Variants in MYO16 observed in about 807,000 individuals in gnomAD.
The protein encoded by MYO16 is myosin XVI, also known as unconventional myosin-XVI.
A neutral mutation model predicts 205.3 loss-of-function variants in MYO16; 94 were observed. That is an observed-to-expected ratio of 0.46 (90% confidence interval 0.39 to 0.54). MYO16 has a LOEUF of 0.54. MYO16 is among the 20% of genes least tolerant of loss of function. MYO16 has a pLI of 0.00. For synonymous variants in MYO16, 988 were observed against 954.0 expected (o/e 1.04, Z -0.66); for missense variants, 2,315 against 2,387.5 (o/e 0.97, Z 0.63).
chr13:109,057,375 A>G (rs1055743291), intron 27 of MYO16, among the ~76,000 whole-genome samples: 8 of 152,182 alleles, frequency 5.3e-5, no homozygotes, highest in Admixed American at 2.0e-4. Flanking sequence ...TAGACAAGAT[A>G]TTTGTGTTTA....
At chr13:109,121,051 A>T (rs751999920) in intron 29 of MYO16, among the ~76,000 whole-genome samples, 9 of 152,198 alleles carry the variant, frequency 5.9e-5, no homozygotes, top group Admixed American at 2.0e-4. Context: ...CCCACCTCTA[A>T]AAGAAAAAAA....
At chr13:108,855,629 T>G (rs1161916870) in intron 11 of MYO16, 76 bp downstream of exon 11, 4 of 1,021,790 alleles carry the variant, frequency 3.9e-6, no homozygotes, top group Non-Finnish European at 5.7e-6. Flanking sequence ...GTGCTTCAAA[T>G]GTTGCAAGTA....
chr13:109,135,694 G>A (rs1484704392), intron 31 of MYO16, among the ~76,000 whole-genome samples: 1 of 152,190 alleles, frequency 6.6e-6, no homozygotes, highest in African/African-American at 2.4e-5. Context: ...CTTCATTTTT[G>A]TGTTCAGGCT....
chr13:108,527,249 G>A, the MYO16 span, among the ~76,000 whole-genome samples: 1 of 151,234 alleles, frequency 6.6e-6, no homozygotes, highest in Non-Finnish European at 1.5e-5. Flanking sequence ...TATAGGAAGG[G>A]TTTTTTTTTC....
the MYO16 span, among the ~76,000 whole-genome samples, chr13:108,532,535 T>A: frequency 6.6e-6 from 1 of 151,778 alleles, no homozygotes; most frequent in African/African-American, 2.4e-5. Flanking sequence ...GGCTCATGCC[T>A]GTAATCCCAG....
chr13:109,034,870 A>G (rs1886664256), intron 23 of MYO16, among the ~76,000 whole-genome samples: 1 of 152,172 alleles, frequency 6.6e-6, no homozygotes, highest in African/African-American at 2.4e-5. Flanking sequence ...GCTAATCGAT[A>G]AAATCATTAA....
At chr13:108,917,106 C>T (rs1031725092) in intron 16 of MYO16, among the ~76,000 whole-genome samples, 3 of 152,124 alleles carry the variant, frequency 2.0e-5, no homozygotes, top group East Asian at 1.9e-4. Flanking sequence ...GGCACATGCA[C>T]GCACGCACAC....
upstream of MYO16, chr13:108,629,503 C>T (rs919520096): frequency 1.7e-5 from 4 of 238,376 alleles, no homozygotes; most frequent in Non-Finnish European, 3.3e-5. Context: ...TGCAGCACAC[C>T]TCCGTGCAGC....
At chr13:108,950,524 A>G (rs979639827) in intron 16 of MYO16, among the ~76,000 whole-genome samples, 2 of 152,214 alleles carry the variant, frequency 1.3e-5, no homozygotes, top group African/African-American at 4.8e-5. Context: ...CAGCTCATGA[A>G]AAAACATTGT....
At chr13:108,644,898 T>C (rs1222712726) in intron 1 of MYO16, among the ~76,000 whole-genome samples, 1 of 152,208 alleles carries the variant, frequency 6.6e-6, no homozygotes, top group African/African-American at 2.4e-5. Context: ...ATGAAGTTAA[T>C]AGTGGCAATT....
At position 109,055,603 on chromosome 13, in the gene MYO16, C is replaced by A. The variant is rs774464223; in HGVS notation, c.3335+8C>A. The A allele has an allele frequency of 6.2e-7, 1 of 1,604,062 alleles. No individual in the cohort carries two copies. The highest frequency in any genetic ancestry group is 1.1e-5 in the South Asian group (1 of 90,984). On this transcript the variant is annotated splice_region_variant and intron_variant, in intron 27 of 34. Coordinates refer to ENST00000457511, the MANE Select transcript of MYO16 (RefSeq NM_001198950.3). The surrounding 1 kb of genome is among the most constrained non-coding windows in gnomAD (Gnocchi z 5.0). The stretch of plus-strand genomic sequence containing the variant: ...CTCGGATTTCCTGTCAAGGTAAATT[C>A]TTCTGCTCTTAAAATCGTCGTTCTC...
intron 11 of MYO16, 31 bp downstream of exon 11, chr13:108,855,584 G>A: frequency 7.0e-6 from 10 of 1,422,336 alleles, no homozygotes; most frequent in Non-Finnish European, 9.8e-6. Context: ...CTTTTGCACT[G>A]TTTTTCTCTT....
the MYO16 span, among the ~76,000 whole-genome samples, chr13:108,586,568 A>G: frequency 6.6e-6 from 1 of 152,208 alleles, no homozygotes; most frequent in Non-Finnish European, 1.5e-5. Flanking sequence ...ACTGCAGGGC[A>G]GATGCAAAGT....
intron 27 of MYO16, among the ~76,000 whole-genome samples, chr13:109,100,058 C>T (rs937301714): frequency 1.3e-5 from 2 of 152,202 alleles, no homozygotes; most frequent in African/African-American, 4.8e-5. Flanking sequence ...TTCTGGTTTT[C>T]TCCTCTTCCT....
intron 27 of MYO16, among the ~76,000 whole-genome samples, chr13:109,080,058 T>G (rs1489133980): frequency 1.4e-5 from 2 of 147,284 alleles, no homozygotes; most frequent in Non-Finnish European, 3.0e-5. Flanking sequence ...GTGTTTTTAG[T>G]AGAGATGGGG....
chr13:108,778,291 G>A (rs545549425), intron 4 of MYO16, among the ~76,000 whole-genome samples: 2 of 152,296 alleles, frequency 1.3e-5, no homozygotes, highest in South Asian at 2.1e-4. Context: ...TTCCCCTGGC[G>A]AGGAAGACTC....
intron 2 of MYO16, among the ~76,000 whole-genome samples, chr13:108,706,029 T>A (rs1883494782): frequency 6.6e-6 from 1 of 152,170 alleles, no homozygotes; most frequent in African/African-American, 2.4e-5. Context: ...ACAGGCATAC[T>A]GAAATATAAG....
intron 1 of MYO16, among the ~76,000 whole-genome samples, chr13:108,656,248 G>A (rs1178394742): frequency 6.6e-6 from 1 of 152,052 alleles, no homozygotes; most frequent in South Asian, 2.1e-4. Context: ...CTCGTGGTAG[G>A]GATTAATCTC....
At chr13:108,605,272 A>G (rs1049073847) in intron 1 of MYO16, among the ~76,000 whole-genome samples, 10 of 152,206 alleles carry the variant, frequency 6.6e-5, no homozygotes, top group Admixed American at 6.5e-4. Flanking sequence ...TAAGGAGCCC[A>G]TCTTAGTAAT....
Sources: allele counts gnomAD v4.1 joint callset (sites outside exome capture counted in the v4.1 genomes callset), GRCh38; gene constraint gnomAD v4.1.1; non-coding constraint Gnocchi (gnomAD v3.1); transcripts MANE v1.5; gene names NCBI Gene and HGNC (gene_info 2026-07-23, HGNC 2026-07-21).